The following SORCS3 variants were observed in gnomAD, a reference collection of about 807,000 sequenced individuals.
SORCS3 encodes sortilin related VPS10 domain containing receptor 3, also known as VPS10 domain-containing receptor SorCS3.
A neutral mutation model predicts 146.3 loss-of-function variants in SORCS3; 57 were observed. That is an observed-to-expected ratio of 0.39 (90% CI 0.31 to 0.49). SORCS3 has a LOEUF of 0.49. SORCS3 is among the 20% of genes least tolerant of loss of function. SORCS3 has a pLI of 0.92. For missense variants in SORCS3, 1,341 were observed against 1,575.5 expected (o/e 0.85, Z 2.52); for synonymous variants, 653 against 618.5 (o/e 1.06, Z -0.83).
At chr10:104,746,368 C>T (rs1389934245) in intron 1 of SORCS3, among the ~76,000 whole-genome samples, 3 of 152,168 alleles carry the variant, frequency 2.0e-5, no homozygotes, top group Non-Finnish European at 2.9e-5. Flanking sequence ...GATCTCCTGA[C>T]CTCGTGATCC....
At chr10:104,756,978 T>A (rs1225035207) in intron 1 of SORCS3, among the ~76,000 whole-genome samples, 1 of 152,096 alleles carries the variant, frequency 6.6e-6, no homozygotes, top group East Asian at 1.9e-4. Context: ...CTGGAAGATC[T>A]GTGTCCATGT....
chr10:104,918,883 G>A (rs907020939), intron 3 of SORCS3, among the ~76,000 whole-genome samples: 4 of 152,230 alleles, frequency 2.6e-5, no homozygotes, highest in South Asian at 4.1e-4. Context: ...TAAGTGGCTC[G>A]TGAAGGTTTG....
At chr10:104,677,468 A>G (rs1398209135) in intron 1 of SORCS3, among the ~76,000 whole-genome samples, 1 of 152,220 alleles carries the variant, frequency 6.6e-6, no homozygotes, top group Non-Finnish European at 1.5e-5. Context: ...CAGTGTTTTA[A>G]TGTATTCGGG....
At chr10:104,947,475 T>C (rs1242295709) in intron 3 of SORCS3, among the ~76,000 whole-genome samples, 1 of 152,128 alleles carries the variant, frequency 6.6e-6, no homozygotes, top group Non-Finnish European at 1.5e-5. Context: ...ACAAAGGCTC[T>C]CTGAACACGG....
intron 5 of SORCS3, among the ~76,000 whole-genome samples, chr10:105,058,212 C>T (rs2055459016): frequency 6.6e-6 from 1 of 152,122 alleles, no homozygotes; most frequent in Non-Finnish European, 1.5e-5. Flanking sequence ...AAAGGTCAGA[C>T]CCTGGAACCA....
intron 4 of SORCS3, among the ~76,000 whole-genome samples, chr10:105,028,680 A>G (rs916338553): frequency 2.9e-4 from 44 of 152,190 alleles, no homozygotes; most frequent in Non-Finnish European, 4.4e-5. Flanking sequence ...GGATAATCAA[A>G]CGTCCTCCAC....
Position 105,264,028 on chromosome 10 carries a change from A to G in SORCS3, c.*654A>G, listed in dbSNP as rs2056977109. The G allele has an allele frequency of 6.6e-6, 1 of 152,308 alleles. No individual in the cohort carries two copies. Among genetic ancestry groups the G allele is most frequent in the Non-Finnish European group, 1.5e-5 (1 of 68,110 alleles). 9.4% of individuals were successfully genotyped at this position (152,308 alleles called of 1,614,324 possible). A position where few individuals can be genotyped will look rare whatever the true frequency, so the allele number is the denominator to read the frequency against. ...TACGCACTGGCCCTCAGAGCTGACC[A>G]ACCCGCCAGGCCTGCTCAATGCATT... On this transcript the variant is annotated 3_prime_UTR_variant, in exon 27 of 27. Transcript: ENST00000369701.
chr10:105,157,275 C>G lies in SORCS3; in HGVS notation c.1620C>G (p.His540Gln), dbSNP rs750858126. The change falls in exon 10 of 27, where the codon CAC becomes CAG. Residue 540 changes from histidine (H) to glutamine (Q), a missense_variant. Transcript: ENST00000369701. ...PDVDLRGSPV[H>Q]CLLPFCSLHL... ...TGGACCTGAGAGGAAGCCCAGTGCA[C>G]TGCCTGCTGGTCAGTCACTCAGCCT... 1 of 1,614,004 alleles carries G rather than the reference C, an allele frequency of 6.2e-7. No homozygotes were observed. Among genetic ancestry groups the G allele is most frequent in the East Asian group, 2.2e-5 (1 of 44,842 alleles).
At chr10:104,778,356 G>A (rs1324117377) in intron 1 of SORCS3, among the ~76,000 whole-genome samples, 1 of 152,212 alleles carries the variant, frequency 6.6e-6, no homozygotes, top group Non-Finnish European at 1.5e-5. Flanking sequence ...CCTATTTGGG[G>A]AAATAATGGA....
intron 4 of SORCS3, among the ~76,000 whole-genome samples, chr10:105,028,799 CT>C (rs1343881790): frequency 2.6e-5 from 4 of 152,124 alleles, no homozygotes; most frequent in African/African-American, 9.7e-5. Flanking sequence ...CTTTGGGCCC[CT>C]GGTGTTAGAG....
chr10:104,807,438 C>G (rs1025544822), intron 1 of SORCS3, among the ~76,000 whole-genome samples: 1 of 152,078 alleles, frequency 6.6e-6, no homozygotes, highest in African/African-American at 2.4e-5. Context: ...TAATCATTTC[C>G]TTTAAGAGTT....
At chr10:104,945,769 C>T (rs1390325669) in intron 3 of SORCS3, among the ~76,000 whole-genome samples, 4 of 121,926 alleles carry the variant, frequency 3.3e-5, no homozygotes, top group African/African-American at 1.2e-4. Flanking sequence ...TAAGCATGCA[C>T]ACACATACAC....
intron 2 of SORCS3, among the ~76,000 whole-genome samples, chr10:104,889,427 G>C (rs2018725827): frequency 7.7e-6 from 1 of 130,098 alleles, no homozygotes; most frequent in Admixed American, 7.5e-5. Context: ...ATTGTTATTT[G>C]TTCCATTTTC....
chr10:104,705,632 C>T (rs1589465647), intron 1 of SORCS3, among the ~76,000 whole-genome samples: 1 of 152,000 alleles, frequency 6.6e-6, no homozygotes. Context: ...AAACACATAC[C>T]TCAGTTGTGG....
rs186002498 is a variant in SORCS3 at position 104,916,837 on chromosome 10, T to G, written c.795+905T>G. On this transcript the variant is annotated intron_variant, in intron 3 of 26. Transcript: ENST00000369701. ...CATTCCCCCGTGGTTTTGCCAGTGCTTTCTTCCTCAAGGTAAGCTCAGGAG... is the reference window on the plus strand; with the variant it reads ...CATTCCCCCGTGGTTTTGCCAGTGCGTTCTTCCTCAAGGTAAGCTCAGGAG... Among the ~76,000 whole-genome samples, 123 of 152,306 alleles carry G rather than the reference T, an allele frequency of 8.1e-4. 2 individuals carry two copies. Among genetic ancestry groups the G allele is most frequent in the Admixed American group, 8.0e-3 (122 of 15,292 alleles).
intron 4 of SORCS3, among the ~76,000 whole-genome samples, chr10:105,015,596 A>C (rs756032745): frequency 2.0e-5 from 3 of 152,176 alleles, no homozygotes; most frequent in Non-Finnish European, 2.9e-5. Flanking sequence ...ATACATACCT[A>C]TGGGGTAGAA....
chr10:104,724,299 T>C (rs1472045809), intron 1 of SORCS3, among the ~76,000 whole-genome samples: 1 of 152,186 alleles, frequency 6.6e-6, no homozygotes, highest in Non-Finnish European at 1.5e-5. Context: ...TGTTGAATAT[T>C]GGCCCCCACT....
intron 14 of SORCS3, among the ~76,000 whole-genome samples, chr10:105,180,937 A>G (rs2056439040): frequency 6.6e-6 from 1 of 152,184 alleles, no homozygotes; most frequent in Admixed American, 6.5e-5. Context: ...CACTTTAGAT[A>G]ATAAATGTTA....
At chr10:104,853,101 C>T (rs2018291237) in intron 2 of SORCS3, among the ~76,000 whole-genome samples, 1 of 152,218 alleles carries the variant, frequency 6.6e-6, no homozygotes, top group African/African-American at 2.4e-5. Context: ...AGTTCCAGAC[C>T]AGCCTGACCA....
Sources: gnomAD v4.1 joint callset for allele counts (sites outside exome capture counted in the v4.1 genomes callset) on GRCh38, gnomAD v4.1.1 for gene constraint, MANE v1.5 for transcripts, NCBI Gene and HGNC (gene_info 2026-07-23, HGNC 2026-07-21) for gene names.